The following UPF1 variants were observed in gnomAD, a reference collection of about 807,000 sequenced individuals.
The protein encoded by UPF1 is UPF1 RNA helicase and ATPase.
Under a neutral mutation model 129.2 loss-of-function variants are expected in UPF1, and 9 were observed. That is an observed-to-expected ratio of 0.07 (90% CI 0.04 to 0.12). UPF1 has a LOEUF of 0.12. Ranked by LOEUF, UPF1 falls within the 10% of genes least tolerant of loss-of-function variation. The pLI is 1.00. For synonymous variants in UPF1, 649 were observed against 644.9 expected (o/e 1.01, Z -0.10); for missense variants, 788 against 1,525.3 (o/e 0.52, Z 8.05).
rs370409504 is a variant in UPF1 at position 18,832,193 on chromosome 19, C to T, written c.-17C>T. ...GTGCAGCGCGGAACCGGCCCGAGGG[C>T]CCTACCCGGAGGCACCATGAGCGTG... On this transcript the variant is annotated 5_prime_UTR_variant, in exon 1 of 24. Coordinates refer to ENST00000262803, the MANE Select transcript of UPF1 (RefSeq NM_002911.4). The surrounding 1 kb of genome is among the most constrained non-coding windows in gnomAD (Gnocchi z 5.6). 24 of 1,531,358 alleles carry T rather than the reference C, an allele frequency of 1.6e-5. No individual in the cohort carries two copies. In the African/African-American group the frequency reaches 3.0e-4, roughly 19 times the overall value. 94.9% of individuals were successfully genotyped at this position (1,531,358 alleles called of 1,614,324 possible).
chr19:18,854,445 C>G (rs1161453861), intron 8 of UPF1, among the ~76,000 whole-genome samples, 156 bp from the exon 9 acceptor site: 2 of 152,204 alleles, frequency 1.3e-5, no homozygotes, highest in Non-Finnish European at 2.9e-5. Flanking sequence ...GGTCTCTGGT[C>G]TGGTGTTGGC....
chr19:18,852,862 C>G (rs2055675592), intron 6 of UPF1, 125 bp from the exon 7 acceptor site: 1 of 761,272 alleles, frequency 1.3e-6, no homozygotes, highest in African/African-American at 1.7e-5. Flanking sequence ...AGGTGCCACT[C>G]ACGGCGCCTG....
chr19:18,856,256 C>T lies in UPF1; in HGVS notation c.1780C>T (p.Arg594Trp). Residue 594 changes from arginine to tryptophan, a missense_variant, in exon 13 of 24, where the codon CGG (arginine) becomes TGG (tryptophan). Transcript: ENST00000262803. ...TGELSSADEK[R>W]YRALKRTAER... ...GGAGCTGTCGTCTGCCGACGAGAAG[C>T]GGTACCGGGCCTTGAAGCGCACCGC... 6.2e-7 allele frequency: 1 copy of T among 1,608,026 alleles called. No individual in the cohort carries two copies.
intron 20 of UPF1, among the ~76,000 whole-genome samples, chr19:18,864,733 GTTTTTTT>G (rs10682791): frequency 3.0e-4 from 22 of 73,554 alleles, no homozygotes; most frequent in African/African-American, 1.3e-3. Context: ...ATTTGCAGGT[GTTTTTTT>G]TTTTTTTTTT....
At chr19:18,844,756 G>A (rs565731862) in intron 1 of UPF1, among the ~76,000 whole-genome samples, 4 of 152,214 alleles carry the variant, frequency 2.6e-5, no homozygotes, top group East Asian at 1.9e-4. Flanking sequence ...GTCCCCTGGC[G>A]TGGGCTGTGG....
At chr19:18,862,576 A>G (rs1431766688) in intron 18 of UPF1, among the ~76,000 whole-genome samples, 1 of 151,894 alleles carries the variant, frequency 6.6e-6, no homozygotes, top group East Asian at 1.9e-4. Context: ...TGTCTCACAC[A>G]TGTAATCCCA....
At position 18,850,549 on chromosome 19, in the gene UPF1, C is replaced by A; in HGVS notation, c.630-139C>A. On this transcript the variant is annotated intron_variant, in intron 4 of 23. Transcript: ENST00000262803. The surrounding 1 kb of genome is among the most constrained non-coding windows in gnomAD (Gnocchi z 7.1). Reference sequence around the variant, plus strand: ...ACAGGGAGATGCGATTTATTACTAACAGTTTGAAGGTAATGTGATCACATA... The same window carrying A: ...ACAGGGAGATGCGATTTATTACTAAAAGTTTGAAGGTAATGTGATCACATA... 1.0e-6 allele frequency: 1 copy of A among 974,636 alleles called. No homozygotes were observed. Among genetic ancestry groups the A allele is most frequent in the Non-Finnish European group, 1.4e-6 (1 of 689,816 alleles). 60.4% of individuals were successfully genotyped at this position (974,636 alleles called of 1,614,324 possible). A position where few individuals can be genotyped will look rare whatever the true frequency, so the allele number is the denominator to read the frequency against.
intron 3 of UPF1, 86 bp downstream of exon 3, chr19:18,847,919 A>T (rs951383281): frequency 1.4e-6 from 2 of 1,449,050 alleles, no homozygotes; most frequent in Non-Finnish European, 1.9e-6. Context: ...AGCAAAGCGT[A>T]ATATAAAATC....
chr19:18,847,264 A>G lies in UPF1; in HGVS notation c.372-480A>G, dbSNP rs1308903007. Reference sequence around the variant, plus strand: ...GGGTTTGGTATGTGGATTTTCAGAAAACCACAGCCAGTGGTGGGGTGAGGC... The same window carrying G: ...GGGTTTGGTATGTGGATTTTCAGAAGACCACAGCCAGTGGTGGGGTGAGGC... On this transcript the variant is annotated intron_variant, in intron 2 of 23. Coordinates refer to ENST00000262803, the MANE Select transcript of UPF1 (RefSeq NM_002911.4). Among the ~76,000 whole-genome samples, 3 of 152,272 alleles carry G rather than the reference A, an allele frequency of 2.0e-5. No individual in the cohort carries two copies. In the East Asian group the frequency reaches 5.8e-4, roughly 29 times the overall value.
chr19:18,866,462 T>C, intron 23 of UPF1, 59 bp from the exon 24 acceptor site: 1 of 352,332 alleles, frequency 2.8e-6, no homozygotes, highest in Non-Finnish European at 5.1e-6. Context: ...GTGTGCTGGG[T>C]ACCTGTGGGG....
intron 11 of UPF1, chr19:18,855,607 G>A (rs1044506969): frequency 4.1e-6 from 2 of 492,802 alleles, no homozygotes; most frequent in Non-Finnish European, 7.3e-6. Flanking sequence ...GAGCTCCTTC[G>A]GCATCGTGTC....
Position 18,852,308 on chromosome 19 carries a change from G to C in UPF1, c.972+12G>C, listed in dbSNP as rs369214605. 6.2e-7 allele frequency: 1 copy of C among 1,612,486 alleles called. No homozygotes were observed. The highest frequency in any genetic ancestry group is 8.5e-7 in the Non-Finnish European group (1 of 1,179,288). ...TGAAGGAGTCCCAGGTGATGTGTGC[G>C]AGAGGGCTTGGCCTGGGGTGGGCTC... On this transcript the variant is annotated intron_variant, in intron 6 of 23. Transcript: ENST00000262803.
rs1350475686 is a variant in UPF1 at position 18,850,167 on chromosome 19, A to G, written c.554A>G (p.Asn185Ser). The G allele has an allele frequency of 1.2e-6, 2 of 1,613,902 alleles. No homozygotes were observed. The highest frequency in any genetic ancestry group is 1.7e-6 in the Non-Finnish European group (2 of 1,179,964). ...GGGGAGACAGTCCTGGAGTGCTACA[A>G]CTGCGGCTGTCGCAACGTCTTCCTC... is the stretch of plus-strand genomic sequence containing the variant. ...PLGETVLECYNCGCRNVFLLG... is the reference protein window; with the variant it reads ...PLGETVLECYSCGCRNVFLLG... The change falls in exon 4 of 24, where the codon AAC (asparagine) becomes AGC (serine). Residue 185 changes from asparagine (N) to serine (S), a missense_variant. Physicochemically the swap from Asn to Ser is conservative, Grantham distance 46. Around this residue, in one of 6 missense-constraint regions of UPF1, gnomAD observed 227 missense variants for 517.9 expected, o/e 0.44. Transcript: ENST00000262803. This position sits in a 1 kb window ranked among gnomAD's most constrained non-coding sequence, Gnocchi z 7.1.
At chr19:18,858,061 G>A (rs540707653) in intron 15 of UPF1, among the ~76,000 whole-genome samples, 2 of 152,338 alleles carry the variant, frequency 1.3e-5, no homozygotes, top group African/African-American at 4.8e-5. Context: ...GAAACGCCCT[G>A]GATGAGGAAG....
intron 1 of UPF1, among the ~76,000 whole-genome samples, chr19:18,842,710 T>TG (rs911152295): frequency 2.3e-4 from 35 of 151,234 alleles, no homozygotes; most frequent in African/African-American, 6.3e-4. Flanking sequence ...AAAAAAAATT[T>TG]GGGGGGGTGC....
At chr19:18,856,771 G>T in intron 13 of UPF1, 106 bp from the exon 14 acceptor site, 1 of 1,450,960 alleles carries the variant, frequency 6.9e-7, no homozygotes, top group South Asian at 1.4e-5. Flanking sequence ...TATAGTGTCA[G>T]GGAGGGTGAG....
At position 18,866,176 on chromosome 19, in the gene UPF1, C is replaced by G. The variant is rs73001386; in HGVS notation, c.*3+10C>G. 119,612 of 1,581,018 alleles carry G rather than the reference C, an allele frequency of 0.076. 5,110 individuals are homozygous for G. Among genetic ancestry groups the G allele is most frequent in the Non-Finnish European group, 0.09 (104,968 of 1,163,092 alleles). On this transcript the variant is annotated intron_variant, in intron 23 of 23. Coordinates refer to ENST00000262803, the MANE Select transcript of UPF1 (RefSeq NM_002911.4). ...GTCCCAGTATTAAAAGGCAAGCCCC[C>G]CTGGAGCAGGCCTGGCCCCACCCCA...
intron 2 of UPF1, 42 bp downstream of exon 2, chr19:18,846,161 TG>T (rs1568273307): frequency 6.2e-7 from 1 of 1,609,380 alleles, no homozygotes; most frequent in Non-Finnish European, 8.5e-7. Flanking sequence ...GCTGGACAGG[TG>T]GGTGCCTCTG....
chr19:18,863,349 T>C (rs1212586627), intron 18 of UPF1, 89 bp from the exon 19 acceptor site: 5 of 1,526,996 alleles, frequency 3.3e-6, no homozygotes, highest in Non-Finnish European at 4.5e-6. Flanking sequence ...TGGATTTGGG[T>C]TCTGAGTGAA....
Sources: gnomAD v4.1 joint callset for allele counts (sites outside exome capture counted in the v4.1 genomes callset) on GRCh38, gnomAD v4.1.1 for gene constraint, gnomAD v4.1.1 regional missense constraint, Gnocchi (gnomAD v3.1) non-coding constraint, MANE v1.5 for transcripts, NCBI Gene and HGNC (gene_info 2026-07-23, HGNC 2026-07-21) for gene names.